TNRC18: variants seen among roughly 807,000 people sequenced by gnomAD.
TNRC18 encodes the protein trinucleotide repeat containing 18.
Under a neutral mutation model 226.7 loss-of-function variants are expected in TNRC18, and 69 were observed. The observed-to-expected ratio is 0.30, with a 90% CI of 0.25 to 0.37. TNRC18 has a LOEUF of 0.37. Among genes scored for constraint, TNRC18 ranks in the 10% least tolerant of loss-of-function variants. The pLI is 1.00. For missense variants in TNRC18, 4,754 were observed against 4,256.6 expected, an observed-to-expected ratio of 1.12 and a Z score of -3.25; for synonymous variants, 2,449 against 1,927.6, an observed-to-expected ratio of 1.27 and a Z score of -7.09.
At chr7:5,308,565 GAGAGAGACCC>G (rs1368441528) in intron 29 of TNRC18, among the ~76,000 whole-genome samples, 3 of 152,190 alleles carry the variant, frequency 2.0e-5, no homozygotes, top group Admixed American at 6.5e-5. Context: ...GACCGAGATC[GAGAGAGACCC>G]AGAGAGACAC....
rs1256656809 is a variant in TNRC18, at chr7:5,421,051, G to A, written c.187+9C>T. ...ACAGGAGGGGACGGGCACGGCGCGG[G>A]GCACTTACCCGGGTGCGGATGGAGA... On this transcript the variant is annotated intron_variant, in intron 2 of 29. Transcript: ENST00000430969. 6.6e-7 allele frequency: 1 copy of A among 1,524,654 alleles called. No individual in the cohort carries two copies. The highest frequency in any genetic ancestry group is 8.9e-7 in the Non-Finnish European group (1 of 1,126,822). The allele number at this position is 1,524,654 out of a possible 1,614,324, so 94.4% of individuals were successfully genotyped here.
chr7:5,342,793 A>G (rs764127260), intron 18 of TNRC18, among the ~76,000 whole-genome samples: 1 of 152,242 alleles, frequency 6.6e-6, no homozygotes, highest in Non-Finnish European at 1.5e-5. Flanking sequence ...TTCTATAGGT[A>G]AAACGCTATC....
chr7:5,348,631 G>A (rs1791454210), intron 17 of TNRC18, among the ~76,000 whole-genome samples: 1 of 145,126 alleles, frequency 6.9e-6, no homozygotes, highest in Non-Finnish European at 1.5e-5. Context: ...TGAGTCTGAG[G>A]AGTCCGCAGA....
chr7:5,388,256 A>G lies in TNRC18; in HGVS notation c.1568T>C (p.Met523Thr). 6.2e-7 allele frequency: 1 copy of G among 1,603,608 alleles called. No homozygotes were observed. The highest frequency in any genetic ancestry group is 8.5e-7 in the Non-Finnish European group (1 of 1,175,214). ...GTGGTGCTGCGCGGCCAGCACGGCC[A>G]TCTGCGTGGCGGCGAAGTTGCCCAG... ...FELGNFAATQMAVLAAQHHHS... is the reference protein window; with the variant it reads ...FELGNFAATQTAVLAAQHHHS... Residue 523 changes from methionine (M) to threonine (T), a missense_variant, in exon 5 of 30, where the codon ATG (methionine) becomes ACG (threonine). Physicochemically the swap from Met to Thr is moderately conservative, Grantham distance 81 (BLOSUM62 -1). Transcript: ENST00000430969.
intron 11 of TNRC18, among the ~76,000 whole-genome samples, chr7:5,365,372 CA>C (rs1330241135): frequency 1.3e-5 from 2 of 152,140 alleles, no homozygotes; most frequent in East Asian, 3.9e-4. Context: ...CTCAGCCTCC[CA>C]AAGTGCTGAG....
chr7:5,354,895 G>A (rs762683932), intron 16 of TNRC18, among the ~76,000 whole-genome samples: 26 of 152,306 alleles, frequency 1.7e-4, no homozygotes, highest in African/African-American at 4.3e-4. Flanking sequence ...ATTTCCTTAA[G>A]AAAACATGCT....
intron 5 of TNRC18, among the ~76,000 whole-genome samples, chr7:5,379,686 A>C (rs890209805): frequency 6.6e-6 from 1 of 152,210 alleles, no homozygotes; most frequent in Non-Finnish European, 1.5e-5. Context: ...CATGAGCCAG[A>C]GATGGGACAC....
Position 5,309,755 on chromosome 7 carries a change from C to T in TNRC18, c.8389-387G>A, listed in dbSNP as rs1190404047. On this transcript the variant is annotated intron_variant, in intron 27 of 29. Coordinates refer to ENST00000430969, the MANE Select transcript of TNRC18 (RefSeq NM_001080495.3). This position sits in a 1 kb window ranked among gnomAD's most constrained non-coding sequence, Gnocchi z 5.7. ...AGGAGCTGAGAATACAGGCGCACAC[C>T]ACGCCCGGCTAATTTTGATTATTTT... Among the ~76,000 whole-genome samples, 1 of 152,198 alleles carries T rather than the reference C, an allele frequency of 6.6e-6. No homozygotes were observed. The highest frequency in any genetic ancestry group is 2.4e-5 in the African/African-American group (1 of 41,440).
intron 26 of TNRC18, among the ~76,000 whole-genome samples, chr7:5,314,263 C>G (rs1787617149): frequency 6.6e-6 from 1 of 152,072 alleles, no homozygotes; most frequent in South Asian, 2.1e-4. Context: ...GACCACTGCG[C>G]CCAGCAGAAA....
chr7:5,327,788 T>C (rs548403551), intron 19 of TNRC18, among the ~76,000 whole-genome samples: 5 of 152,094 alleles, frequency 3.3e-5, no homozygotes, highest in South Asian at 2.1e-4. Flanking sequence ...TCCGACGTGA[T>C]AGAAGTTCTG....
rs776250215 is a variant in TNRC18, at chr7:5,377,429, C to A, written c.2403G>T (p.Thr801=). The change falls in exon 7 of 30, where the codon ACG becomes ACT. Residue 801 remains threonine, a synonymous_variant. Transcript: ENST00000430969. This position sits in a 1 kb window ranked among gnomAD's most constrained non-coding sequence, Gnocchi z 5.8. ...TGCCCGAGCGGGGCAACCAGGGGTG[C>A]GTGGCCAGATGGGCTGCGGGGTCGG... The part of the protein sequence containing the change: ...WSADPAAHLA[T]HPWLPRSGNA... The A allele has an allele frequency of 6.3e-7, 1 of 1,586,696 alleles. No individual in the cohort carries two copies. Among genetic ancestry groups the A allele is most frequent in the Admixed American group, 1.7e-5 (1 of 57,186 alleles).
chr7:5,421,612 A>T (rs1471557029), intron 1 of TNRC18, 123 bp from the exon 2 acceptor site: 1 of 152,258 alleles, frequency 6.6e-6, no homozygotes. Flanking sequence ...GTGCCGACTG[A>T]GTGGCCAGAA....
At chr7:5,369,899 C>T (rs929093606) in intron 11 of TNRC18, among the ~76,000 whole-genome samples, 11 of 152,106 alleles carry the variant, frequency 7.2e-5, no homozygotes, top group Middle Eastern at 3.2e-3. Flanking sequence ...CTCAACAGGA[C>T]GCTTAAAAAT....
At chr7:5,339,352 G>C (rs1015263228) in intron 18 of TNRC18, among the ~76,000 whole-genome samples, 3 of 150,836 alleles carry the variant, frequency 2.0e-5, no homozygotes, top group Non-Finnish European at 2.9e-5. Flanking sequence ...CGATTCTTAT[G>C]CCACAACCTC....
rs768366373 is a variant in TNRC18, at chr7:5,332,610, C to A, written c.6147+12G>T. ...ACCCTTCTGCGGCACCCCCTCCCAG[C>A]GCGGCCCCTACCTTCCTGGGGTCCT... On this transcript the variant is annotated intron_variant, in intron 19 of 29. Transcript: ENST00000430969. The A allele has an allele frequency of 1.5e-4, 235 of 1,517,364 alleles. 1 individual carries two copies. Among genetic ancestry groups the A allele is most frequent in the Middle Eastern group, 9.4e-4 (4 of 4,254 alleles). 94.0% of individuals were successfully genotyped at this position (1,517,364 alleles called of 1,614,324 possible).
intron 14 of TNRC18, 82 bp downstream of exon 14, chr7:5,361,512 C>G (rs1466991574): frequency 7.1e-7 from 1 of 1,409,278 alleles, no homozygotes; most frequent in Non-Finnish European, 9.2e-7. Flanking sequence ...CCCCAGCACC[C>G]CGAGGCAGGC....
At chr7:5,345,517 G>GGGGGGGGGGGCGCC in intron 18 of TNRC18, 45 bp downstream of exon 18, 1 of 377,744 alleles carries the variant, frequency 2.6e-6, no homozygotes, top group Non-Finnish European at 4.8e-6. Flanking sequence ...AATGGCGTCC[G>GGGGGGGGGGGCGCC]CCCCTCCCAC....
rs1165031662 is a variant in TNRC18, at chr7:5,423,652, C to A, written c.-455G>T. On this transcript the variant is annotated 5_prime_UTR_variant, in exon 1 of 30. An upstream open reading frame in the 5' UTR gains an earlier in-frame stop. Coordinates refer to ENST00000430969, the MANE Select transcript of TNRC18 (RefSeq NM_001080495.3). Reference sequence around the variant, plus strand: ...CCGAGCGCTCGGCGCGCCAACTCCTCCGCCCTCCCGCGGCCCGGCTCCCGC... The same window carrying A: ...CCGAGCGCTCGGCGCGCCAACTCCTACGCCCTCCCGCGGCCCGGCTCCCGC... 1.3e-5 allele frequency: 2 copies of A among 151,960 alleles called. No homozygotes were observed. Among genetic ancestry groups the A allele is most frequent in the Non-Finnish European group, 2.9e-5 (2 of 67,974 alleles). The allele number at this position is 151,960 out of a possible 1,614,324, so 9.4% of individuals were successfully genotyped here. A position where few individuals can be genotyped will look rare whatever the true frequency, so the allele number is the denominator to read the frequency against.
intron 16 of TNRC18, among the ~76,000 whole-genome samples, 176 bp downstream of exon 16, chr7:5,356,740 C>T (rs1174790387): frequency 6.6e-6 from 1 of 152,048 alleles, no homozygotes; most frequent in Non-Finnish European, 1.5e-5. Flanking sequence ...AGGCGGCCTC[C>T]CCCCCCACTT....
Sources: gnomAD v4.1 joint callset for allele counts (sites outside exome capture counted in the v4.1 genomes callset) on GRCh38, gnomAD v4.1.1 for gene constraint, Gnocchi (gnomAD v3.1) non-coding constraint, MANE v1.5 for transcripts, NCBI Gene and HGNC (gene_info 2026-07-23, HGNC 2026-07-21) for gene names.